Variants in FHOD3 observed in about 807,000 individuals in gnomAD.
The protein encoded by FHOD3 is FH1/FH2 domain-containing protein 3.
A neutral mutation model predicts 173.0 loss-of-function variants in FHOD3; 90 were observed. That is an observed-to-expected ratio of 0.52 (90% CI 0.44 to 0.62). The LOEUF (loss-of-function observed/expected upper bound fraction) is 0.62. Ranked by LOEUF, FHOD3 falls within the 20% of genes least tolerant of loss-of-function variation. FHOD3 has a pLI of 0.00. For missense variants in FHOD3, 1,945 were observed against 2,034.7 expected (o/e 0.96, Z 0.85); for synonymous variants, 828 against 823.0 (o/e 1.01, Z -0.10).
At chr18:36,467,163 A>T (rs1207568046) in intron 3 of FHOD3, among the ~76,000 whole-genome samples, 1 of 152,024 alleles carries the variant, frequency 6.6e-6, no homozygotes, top group Non-Finnish European at 1.5e-5. Context: ...AGACCCTGGG[A>T]AGGTAAGAGC....
chr18:36,591,942 G>C (rs560253012), intron 6 of FHOD3, among the ~76,000 whole-genome samples: 1 of 151,370 alleles, frequency 6.6e-6, no homozygotes, highest in Non-Finnish European at 1.5e-5. Flanking sequence ...AAGGTGGCTG[G>C]GCACGATGGC....
chr18:36,768,872 C>A (rs760603374), intron 27 of FHOD3, among the ~76,000 whole-genome samples: 1 of 152,110 alleles, frequency 6.6e-6, no homozygotes, highest in Non-Finnish European at 1.5e-5. Context: ...TGTGCATCAC[C>A]GGATATTGAT....
chr18:36,470,895 G>A (rs945363535), intron 3 of FHOD3, among the ~76,000 whole-genome samples: 3 of 152,182 alleles, frequency 2.0e-5, no homozygotes, highest in African/African-American at 4.8e-5. Context: ...CCGCAGCTTC[G>A]CCCCTGGACT....
At chr18:36,669,639 T>C (rs1040373452) in intron 14 of FHOD3, among the ~76,000 whole-genome samples, 9 of 152,026 alleles carry the variant, frequency 5.9e-5, no homozygotes, top group Non-Finnish European at 1.2e-4. Context: ...ATGTATTTCA[T>C]GCATAGCATA....
At chr18:36,653,617 GT>G (rs2036214347) in intron 13 of FHOD3, among the ~76,000 whole-genome samples, 1 of 152,148 alleles carries the variant, frequency 6.6e-6, no homozygotes, top group South Asian at 2.1e-4. Flanking sequence ...GCAGAGGGAG[GT>G]GTGCAAATCA....
At chr18:36,328,657 C>T (rs940425458) in intron 1 of FHOD3, among the ~76,000 whole-genome samples, 2 of 152,104 alleles carry the variant, frequency 1.3e-5, no homozygotes, top group African/African-American at 2.4e-5. Context: ...CCGGGAGCCT[C>T]ACTAGGTGGA....
intron 4 of FHOD3, among the ~76,000 whole-genome samples, chr18:36,503,107 C>T (rs189366623): frequency 1.3e-5 from 2 of 152,250 alleles, no homozygotes; most frequent in African/African-American, 4.8e-5. Context: ...GCCTCCTAAA[C>T]CTTCCCTCCA....
At chr18:36,298,122 A>G (rs1598613097) in intron 1 of FHOD3, 122 bp downstream of exon 1, 3 of 833,248 alleles carry the variant, frequency 3.6e-6, no homozygotes, top group Non-Finnish European at 1.7e-6. Context: ...CGGGGGGACC[A>G]TCGCTCGAGG....
At chr18:36,483,726 T>C (rs763885929) in intron 3 of FHOD3, among the ~76,000 whole-genome samples, 17 of 152,226 alleles carry the variant, frequency 1.1e-4, no homozygotes, top group Non-Finnish European at 2.1e-4. Context: ...TTCTGGCCAA[T>C]GACATATCTT....
At chr18:36,314,598 T>C (rs1428504492) in intron 1 of FHOD3, among the ~76,000 whole-genome samples, 2 of 152,110 alleles carry the variant, frequency 1.3e-5, no homozygotes, top group East Asian at 3.9e-4. Flanking sequence ...GAGTATTAGA[T>C]GTTTGGTTTT....
intron 7 of FHOD3, among the ~76,000 whole-genome samples, chr18:36,599,715 T>A (rs2031061524): frequency 6.6e-6 from 1 of 152,196 alleles, no homozygotes; most frequent in Non-Finnish European, 1.5e-5. Flanking sequence ...TATTTATTTA[T>A]CTGGGTTAAG....
At chr18:36,697,965 C>T (rs1454378327) in intron 17 of FHOD3, among the ~76,000 whole-genome samples, 4 of 152,186 alleles carry the variant, frequency 2.6e-5, no homozygotes, top group African/African-American at 9.7e-5. Flanking sequence ...ATCTAATCCA[C>T]ACAGCAGAAA....
At chr18:36,364,480 A>G (rs2046793483) in intron 2 of FHOD3, among the ~76,000 whole-genome samples, 1 of 152,236 alleles carries the variant, frequency 6.6e-6, no homozygotes, top group South Asian at 2.1e-4. Flanking sequence ...AGTGGGCTGT[A>G]TCCAGCTAAC....
At position 36,719,080 on chromosome 18, in the gene FHOD3, G is replaced by C. The variant is rs140319047; in HGVS notation, c.3417+365G>C. ...TGCTGACTCACCAAACACGGGATAT[G>C]CTTATTTAATCTTACCTTCATTGAC... On this transcript the variant is annotated intron_variant, in intron 19 of 28. Coordinates refer to ENST00000590592, the MANE Select transcript of FHOD3 (RefSeq NM_001281740.3). 2.6e-4 allele frequency among the ~76,000 whole-genome samples: 39 copies of C among 152,306 alleles called. No individual in the cohort carries two copies. The East Asian group carries it at 6.4e-3, about 25-fold the overall frequency.
chr18:36,676,299 C>T lies in FHOD3; in HGVS notation c.1836-5137C>T, dbSNP rs116919983. Among the ~76,000 whole-genome samples, 696 of 152,298 alleles carry T rather than the reference C, an allele frequency of 4.6e-3. 5 individuals are homozygous for T. Among genetic ancestry groups the T allele is most frequent in the Non-Finnish European group, 7.6e-3 (516 of 68,018 alleles). ...ATGATAGAATATGGTTTCTTTTCTT[C>T]AGTCTACTTTTCACTATCTATATAT... On this transcript the variant is annotated intron_variant, in intron 14 of 28. Transcript: ENST00000590592.
intron 3 of FHOD3, among the ~76,000 whole-genome samples, chr18:36,384,822 C>T (rs1465128653): frequency 6.6e-6 from 1 of 152,148 alleles, no homozygotes; most frequent in Non-Finnish European, 1.5e-5. Context: ...TGCCTCCCTC[C>T]TGGTGATGAT....
chr18:36,303,621 C>T (rs2092012803), intron 1 of FHOD3, among the ~76,000 whole-genome samples: 2 of 152,172 alleles, frequency 1.3e-5, no homozygotes, highest in South Asian at 4.1e-4. Context: ...AGCCCTCCCC[C>T]ACCCTCCTTT....
chr18:36,670,004 A>G (rs1430945965), intron 14 of FHOD3, among the ~76,000 whole-genome samples: 1 of 151,788 alleles, frequency 6.6e-6, no homozygotes, highest in African/African-American at 2.4e-5. Flanking sequence ...ATTGCTAGGT[A>G]AAGAATTATA....
chr18:36,311,044 A>G (rs1466996613), intron 1 of FHOD3, among the ~76,000 whole-genome samples: 1 of 152,238 alleles, frequency 6.6e-6, no homozygotes, highest in Non-Finnish European at 1.5e-5. Context: ...AAAGGAAAGG[A>G]AGAGGAAAGA....
Sources: gnomAD v4.1 joint callset for allele counts (sites outside exome capture counted in the v4.1 genomes callset) on GRCh38, gnomAD v4.1.1 for gene constraint, MANE v1.5 for transcripts, NCBI Gene and HGNC (gene_info 2026-07-23, HGNC 2026-07-21) for gene names.